The following NCOR1 variants were observed in gnomAD, a reference collection of about 807,000 sequenced individuals.
NCOR1 encodes the protein nuclear receptor corepressor 1.
In NCOR1, 63 loss-of-function variants were observed where a neutral mutation model predicts 288.1. That is an observed-to-expected ratio of 0.22 (90% CI 0.18 to 0.27). The LOEUF is 0.27. NCOR1 is among the 10% of genes least tolerant of loss of function. NCOR1 has a pLI of 1.00. For synonymous variants in NCOR1, 1,007 were observed against 1,065.9 expected (o/e 0.94, Z 1.08); for missense variants, 2,397 against 3,019.2 (o/e 0.79, Z 4.83).
intron 2 of NCOR1, 151 bp from the exon 3 acceptor site, chr17:16,186,838 T>C: frequency 1.4e-6 from 1 of 693,492 alleles, no homozygotes; most frequent in Non-Finnish European, 2.3e-6. Context: ...TTCTTCCCCT[T>C]AAAATAATCA....
rs1459793091 is a variant in NCOR1, at chr17:16,193,173, TATA to T, written c.108+1286_108+1288del. Among the ~76,000 whole-genome samples, 3 of 152,340 alleles carry T rather than the reference TATA, an allele frequency of 2.0e-5. No homozygotes were observed. The East Asian group carries it at 5.8e-4, about 29-fold the overall frequency. On this transcript the variant is annotated intron_variant, in intron 2 of 45. Coordinates refer to ENST00000268712, the MANE Select transcript of NCOR1 (RefSeq NM_006311.4). ...GTCAAAATTTGTTACAATGTACACA[TATA>T]ATGAGTGCATTCTAATATAGATATA...
At chr17:16,214,536 A>T (rs1157806790) in intron 1 of NCOR1, among the ~76,000 whole-genome samples, 1 of 152,172 alleles carries the variant, frequency 6.6e-6, no homozygotes, top group African/African-American at 2.4e-5. Flanking sequence ...TACCTATACT[A>T]CTACTCTCCA....
chr17:16,130,786 C>T (rs185498731), intron 14 of NCOR1, among the ~76,000 whole-genome samples: 107 of 152,120 alleles, frequency 7.0e-4, no homozygotes, highest in African/African-American at 2.3e-3. Context: ...CAGGCTCAAG[C>T]GATCCTCCCA....
intron 2 of NCOR1, among the ~76,000 whole-genome samples, chr17:16,188,303 T>TA (rs1028639597): frequency 2.0e-5 from 3 of 152,162 alleles, no homozygotes; most frequent in African/African-American, 4.8e-5. Context: ...GTTGAAAACA[T>TA]AAAAAAACCA....
chr17:16,078,143 C>A (rs1045760924), intron 26 of NCOR1, among the ~76,000 whole-genome samples: 7 of 152,158 alleles, frequency 4.6e-5, no homozygotes, highest in African/African-American at 1.7e-4. Context: ...GAATCTAATA[C>A]GTAGAGCATT....
chr17:16,156,077 G>A (rs1288680234), intron 6 of NCOR1, among the ~76,000 whole-genome samples: 1 of 152,140 alleles, frequency 6.6e-6, no homozygotes, highest in East Asian at 1.9e-4. Context: ...AGGATCGCCT[G>A]AAGCCAGCAG....
intron 43 of NCOR1, chr17:16,039,960 T>G: frequency 2.6e-6 from 1 of 391,236 alleles, no homozygotes; most frequent in Non-Finnish European, 4.9e-6. Flanking sequence ...CAGGCTAATT[T>G]TTTGTATTTT....
intron 15 of NCOR1, among the ~76,000 whole-genome samples, chr17:16,121,851 T>C (rs544876115): frequency 6.6e-6 from 1 of 152,358 alleles, no homozygotes; most frequent in Admixed American, 6.5e-5. Context: ...GGAAACGGCC[T>C]CTGGAGCCAG....
At chr17:16,137,171 T>G in intron 14 of NCOR1, 140 bp downstream of exon 14, 1 of 484,536 alleles carries the variant, frequency 2.1e-6, no homozygotes, top group Non-Finnish European at 3.6e-6. Flanking sequence ...AACTTCAAAA[T>G]AATTATAACA....
chr17:16,066,972 T>G (rs1263546058), intron 32 of NCOR1, among the ~76,000 whole-genome samples: 5 of 152,106 alleles, frequency 3.3e-5, no homozygotes, highest in African/African-American at 1.2e-4. Context: ...AGAGAAGAGG[T>G]CTCAGCAGAA....
intron 6 of NCOR1, among the ~76,000 whole-genome samples, chr17:16,156,932 A>G (rs1238197076): frequency 6.6e-6 from 1 of 152,196 alleles, no homozygotes; most frequent in Non-Finnish European, 1.5e-5. Flanking sequence ...AATAATTATT[A>G]CCAAATCCAA....
At chr17:16,056,717 CTTTAT>C (rs1346199866) in intron 40 of NCOR1, among the ~76,000 whole-genome samples, 12 of 152,284 alleles carry the variant, frequency 7.9e-5, no homozygotes, top group Admixed American at 3.9e-4. Context: ...CCTGTGTCCA[CTTTAT>C]TTTAACCAAA....
rs199979233 is a variant in NCOR1, at chr17:16,211,262, TA to T, written c.-71+4099del. Among the ~76,000 whole-genome samples, 1,048 of 116,250 alleles carry T rather than the reference TA, an allele frequency of 9.0e-3. 3 individuals carry two copies. Among genetic ancestry groups the T allele is most frequent in the Middle Eastern group, 0.054 (10 of 184 alleles). 76.3% of individuals were successfully genotyped at this position (116,250 alleles called of 152,430 possible). A position where few individuals can be genotyped will look rare whatever the true frequency, so the allele number is the denominator to read the frequency against. On this transcript the variant is annotated intron_variant, in intron 1 of 45. Transcript: ENST00000268712. The stretch of plus-strand genomic sequence containing the variant: ...TAGCTATTTTTATTTTATTTTTATT[TA>T]TTTTTTTTTTTGAGAGACAGTCTTG...
At chr17:16,139,957 T>G (rs1367234775) in intron 11 of NCOR1, among the ~76,000 whole-genome samples, 1 of 152,226 alleles carries the variant, frequency 6.6e-6, no homozygotes, top group Non-Finnish European at 1.5e-5. Context: ...GTCTCTAATT[T>G]CCTGGGACAC....
chr17:16,123,525 T>G (rs2073428553), intron 15 of NCOR1, among the ~76,000 whole-genome samples: 1 of 152,170 alleles, frequency 6.6e-6, no homozygotes, highest in African/African-American at 2.4e-5. Context: ...TTCTAACTAT[T>G]CCCAGACAGA....
intron 1 of NCOR1, among the ~76,000 whole-genome samples, chr17:16,214,909 C>A (rs941926374): frequency 6.6e-6 from 1 of 152,248 alleles, no homozygotes; most frequent in African/African-American, 2.4e-5. Flanking sequence ...ATTTACTCTG[C>A]ACGCACTTGT....
At chr17:16,114,160 A>AAACAAAC (rs1555667913) in intron 18 of NCOR1, among the ~76,000 whole-genome samples, 1 of 106,894 alleles carries the variant, frequency 9.4e-6, no homozygotes, top group Non-Finnish European at 2.0e-5. Flanking sequence ...AAAAAAAAAA[A>AAACAAAC]AAAAAAAAAC....
chr17:16,072,060 G>C (rs551201885), intron 29 of NCOR1, 85 bp downstream of exon 29: 2 of 1,053,546 alleles, frequency 1.9e-6, no homozygotes, highest in African/African-American at 3.2e-5. Flanking sequence ...AACTTGAAAA[G>C]CAGAAATACA....
rs758670925 is a variant in NCOR1 at position 16,108,860 on chromosome 17, G to T, written c.2108C>A (p.Ala703Asp). Residue 703 changes from alanine to aspartate, a missense_variant, in exon 19 of 46, where the codon GCT becomes GAT. Around this residue, in one of 11 missense-constraint regions of NCOR1, gnomAD observed 1,872 missense variants for 2,187.8 expected, o/e 0.86. Coordinates refer to ENST00000268712, the MANE Select transcript of NCOR1 (RefSeq NM_006311.4). ...ATCCTCCTGAGCAGAAACAGTGGAA[G>T]CGACACTTTCACATTGAGACACATC... ...ERDVSQCESVASTVSAQEDED... is the reference protein window; with the variant it reads ...ERDVSQCESVDSTVSAQEDED... The T allele has an allele frequency of 1.9e-6, 3 of 1,607,160 alleles. No individual in the cohort carries two copies. Among genetic ancestry groups the T allele is most frequent in the Non-Finnish European group, 2.6e-6 (3 of 1,175,836 alleles).
Sources: gnomAD v4.1 joint callset for allele counts (sites outside exome capture counted in the v4.1 genomes callset) on GRCh38, gnomAD v4.1.1 for gene constraint, gnomAD v4.1.1 regional missense constraint, MANE v1.5 for transcripts, NCBI Gene and HGNC (gene_info 2026-07-23, HGNC 2026-07-21) for gene names.